Variants in FNDC3B observed in about 807,000 individuals in gnomAD.
FNDC3B encodes fibronectin type III domain-containing protein 3B.
In FNDC3B, 12 loss-of-function variants were observed where a neutral mutation model predicts 151.5. The ratio of observed to expected loss-of-function variants is 0.08; its 90% confidence interval spans 0.05 to 0.13. The LOEUF is 0.13. Ranked by LOEUF, FNDC3B falls within the 10% of genes least tolerant of loss-of-function variation. The pLI is 1.00. For missense variants in FNDC3B, 1,214 were observed against 1,505.3 expected, an observed-to-expected ratio of 0.81 and a Z score of 3.20; for synonymous variants, 528 against 549.0, an observed-to-expected ratio of 0.96 and a Z score of 0.54.
At chr3:172,342,033 T>G (rs1157576152) in intron 17 of FNDC3B, among the ~76,000 whole-genome samples, 2 of 152,236 alleles carry the variant, frequency 1.3e-5, no homozygotes, top group Non-Finnish European at 2.9e-5. Flanking sequence ...ACATTTAAAA[T>G]GAAAGAGAAG....
intron 1 of FNDC3B, among the ~76,000 whole-genome samples, chr3:172,095,283 C>T (rs1295984505): frequency 6.6e-6 from 1 of 152,204 alleles, no homozygotes; most frequent in South Asian, 2.1e-4. Flanking sequence ...TGTTTAGATA[C>T]AGTACAAGCC....
At chr3:172,323,477 A>G (rs979418257) in intron 11 of FNDC3B, among the ~76,000 whole-genome samples, 1 of 152,182 alleles carries the variant, frequency 6.6e-6, no homozygotes, top group African/African-American at 2.4e-5. Context: ...TGTTTGTACC[A>G]CTGCTCTCTA....
chr3:172,364,406 C>G (rs1734507677), intron 23 of FNDC3B, among the ~76,000 whole-genome samples: 1 of 152,174 alleles, frequency 6.6e-6, no homozygotes, highest in African/African-American at 2.4e-5. Context: ...AAGTGAAGCA[C>G]AGAAAAGTTG....
chr3:172,104,168 CTT>C (rs1192714447), intron 1 of FNDC3B, among the ~76,000 whole-genome samples: 1 of 151,992 alleles, frequency 6.6e-6, no homozygotes, highest in Non-Finnish European at 1.5e-5. Context: ...TTTTATGTGT[CTT>C]TTTTTAAGCT....
At chr3:172,214,504 T>C (rs1305168870) in intron 3 of FNDC3B, among the ~76,000 whole-genome samples, 1 of 151,936 alleles carries the variant, frequency 6.6e-6, no homozygotes, top group Admixed American at 6.6e-5. Flanking sequence ...GCCTTCTAGA[T>C]TGGCAAGAAA....
At chr3:172,053,617 C>A (rs1460586724) in intron 1 of FNDC3B, among the ~76,000 whole-genome samples, 2 of 151,854 alleles carry the variant, frequency 1.3e-5, no homozygotes, top group African/African-American at 4.8e-5. Context: ...ACTAAAAATA[C>A]AAAAATTAGC....
At chr3:172,269,238 A>C (rs539333244) in intron 6 of FNDC3B, among the ~76,000 whole-genome samples, 21 of 151,968 alleles carry the variant, frequency 1.4e-4, no homozygotes, top group African/African-American at 4.8e-4. Context: ...TAAAATCTCC[A>C]TATTTTTTTT....
chr3:172,279,897 T>C (rs1324926560), intron 6 of FNDC3B, among the ~76,000 whole-genome samples: 1 of 149,834 alleles, frequency 6.7e-6, no homozygotes, highest in African/African-American at 2.5e-5. Flanking sequence ...TCAACACATA[T>C]TCGTTGTTGT....
chr3:172,351,439 A>T (rs1177369045), intron 21 of FNDC3B, among the ~76,000 whole-genome samples: 3 of 152,214 alleles, frequency 2.0e-5, no homozygotes. Context: ...GTAGCAGGCA[A>T]TGAAGTCACA....
intron 1 of FNDC3B, among the ~76,000 whole-genome samples, chr3:172,099,234 T>C (rs1194651697): frequency 6.6e-6 from 1 of 152,238 alleles, no homozygotes; most frequent in Non-Finnish European, 1.5e-5. Context: ...GTCCTACTAA[T>C]TCCTTTGTCT....
chr3:172,178,303 T>C (rs1723714093), intron 3 of FNDC3B, among the ~76,000 whole-genome samples: 1 of 152,088 alleles, frequency 6.6e-6, no homozygotes, highest in African/African-American at 2.4e-5. Context: ...CTGTGGACAT[T>C]AGCCCAAACC....
rs533694902 is a variant in FNDC3B at position 172,377,050 on chromosome 3, A to G, written c.3009-1220A>G. Among the ~76,000 whole-genome samples, 43 of 152,332 alleles carry G rather than the reference A, an allele frequency of 2.8e-4. 1 individual carries two copies. The highest frequency in any genetic ancestry group is 9.9e-4 in the African/African-American group (41 of 41,570). On this transcript the variant is annotated intron_variant, in intron 23 of 25. Coordinates refer to ENST00000415807, the MANE Select transcript of FNDC3B (RefSeq NM_022763.4). ...GGGATTAGGTCTTATTCATCTTTCAAATCCGCAGAGCCTAGCACACAGCAG... is the reference window on the plus strand; with the variant it reads ...GGGATTAGGTCTTATTCATCTTTCAGATCCGCAGAGCCTAGCACACAGCAG...
intron 3 of FNDC3B, among the ~76,000 whole-genome samples, chr3:172,199,198 T>C (rs1435425755): frequency 6.6e-6 from 1 of 151,410 alleles, no homozygotes; most frequent in Non-Finnish European, 1.5e-5. Flanking sequence ...TTTTTTTTTT[T>C]TGAGACGGAG....
At chr3:172,384,010 T>TA (rs5854469) in intron 25 of FNDC3B, among the ~76,000 whole-genome samples, 145,533 of 152,050 alleles carry the variant, frequency 0.96, 69,732 homozygotes, top group East Asian at 1. Context: ...GCATAATTTA[T>TA]AAAAAAAACT....
rs776299544 is a variant in FNDC3B, at chr3:172,328,941, T to C, written c.1255-11T>C. On this transcript the variant is annotated splice_polypyrimidine_tract_variant and intron_variant, in intron 11 of 25. Coordinates refer to ENST00000415807, the MANE Select transcript of FNDC3B (RefSeq NM_022763.4). ...TTTAAGTATATGCATTGTTTCATTG[T>C]TTACTTTTAGGGAAAAAGAAATAGT... is the stretch of plus-strand genomic sequence containing the variant. 5.6e-6 allele frequency: 9 copies of C among 1,594,320 alleles called. No homozygotes were observed. In the East Asian group the frequency reaches 1.8e-4, roughly 32 times the overall value.
intron 21 of FNDC3B, among the ~76,000 whole-genome samples, chr3:172,349,290 A>G (rs1733748734): frequency 6.6e-6 from 1 of 152,186 alleles, no homozygotes; most frequent in Non-Finnish European, 1.5e-5. Context: ...AAAAAAATAA[A>G]AATTTATTAT....
At chr3:172,300,737 T>G (rs967893061) in intron 9 of FNDC3B, among the ~76,000 whole-genome samples, 1 of 152,204 alleles carries the variant, frequency 6.6e-6, no homozygotes, top group Non-Finnish European at 1.5e-5. Flanking sequence ...CCAACTGTTA[T>G]TTGTTCTACC....
At chr3:172,120,635 G>A (rs956022573) in intron 2 of FNDC3B, among the ~76,000 whole-genome samples, 1 of 151,936 alleles carries the variant, frequency 6.6e-6, no homozygotes, top group Non-Finnish European at 1.5e-5. Context: ...AAAGATTTCA[G>A]TACCAATATT....
intron 1 of FNDC3B, among the ~76,000 whole-genome samples, chr3:172,051,462 T>C (rs892071941): frequency 1.3e-4 from 20 of 152,222 alleles, no homozygotes; most frequent in African/African-American, 4.8e-4. Flanking sequence ...ATTCATTTGA[T>C]GGCTGGGTAG....
Sources: gnomAD v4.1 joint callset for allele counts (sites outside exome capture counted in the v4.1 genomes callset) on GRCh38, gnomAD v4.1.1 for gene constraint, MANE v1.5 for transcripts, NCBI Gene and HGNC (gene_info 2026-07-23, HGNC 2026-07-21) for gene names.